ST18: variants seen among roughly 807,000 people sequenced by gnomAD.
ST18 encodes the protein suppression of tumorigenicity 18 protein.
ST18 carries 50 observed loss-of-function variants against 110.0 expected under a neutral mutation model. That is an observed-to-expected ratio of 0.45 (90% CI 0.36 to 0.58). The LOEUF is 0.58. ST18 is among the 20% of genes least tolerant of loss of function. The pLI is 0.00. For missense variants in ST18, 1,306 were observed against 1,280.1 expected, an observed-to-expected ratio of 1.02 and a Z score of -0.31; for synonymous variants, 461 against 452.4, an observed-to-expected ratio of 1.02 and a Z score of -0.24.
intron 2 of ST18, among the ~76,000 whole-genome samples, chr8:52,348,245 C>A (rs956229762): frequency 1.3e-5 from 2 of 152,170 alleles, no homozygotes; most frequent in African/African-American, 4.8e-5. Flanking sequence ...TCTCTCAGTT[C>A]TACAGTTAAG....
At chr8:52,114,217 G>A (rs376668193) in intron 25 of ST18, among the ~76,000 whole-genome samples, 3 of 151,986 alleles carry the variant, frequency 2.0e-5, no homozygotes, top group South Asian at 2.1e-4. Context: ...TGACCCACCC[G>A]CTTCGGCCTC....
intron 2 of ST18, among the ~76,000 whole-genome samples, chr8:52,310,483 G>C (rs947476022): frequency 8.5e-5 from 13 of 152,158 alleles, no homozygotes; most frequent in Non-Finnish European, 1.9e-4. Flanking sequence ...TTTTGAATTA[G>C]AATTATATCT....
chr8:52,133,025 G>C (rs965591896), intron 21 of ST18, 32 bp downstream of exon 21: 10 of 1,610,542 alleles, frequency 6.2e-6, no homozygotes, highest in Non-Finnish European at 8.5e-6. Flanking sequence ...ACAAGAGACA[G>C]CTGACCCCCA....
rs573216364 is a variant in ST18, at chr8:52,388,021, A to AG, written c.-465+21306dup. Among the ~76,000 whole-genome samples, 128 of 131,350 alleles carry AG rather than the reference A, an allele frequency of 9.7e-4. 3 individuals carry two copies. Among genetic ancestry groups the AG allele is most frequent in the Middle Eastern group, 9.3e-3 (2 of 214 alleles). The allele number at this position is 131,350 out of a possible 152,430, so 86.2% of individuals were successfully genotyped here. ...AAAAGCTAGCAGGGTGTCCGCTTTG[A>AG]GGGGGGTCTATGTTTGCAGGGGAGA... On this transcript the variant is annotated intron_variant, in intron 2 of 25. Coordinates refer to ENST00000689386, the MANE Select transcript of ST18 (RefSeq NM_001352837.2).
intron 7 of ST18, among the ~76,000 whole-genome samples, chr8:52,212,572 G>T (rs2082595062): frequency 6.6e-6 from 1 of 152,086 alleles, no homozygotes; most frequent in African/African-American, 2.4e-5. Flanking sequence ...AGAAAGGGGA[G>T]GATGAGCTTC....
intron 11 of ST18, among the ~76,000 whole-genome samples, chr8:52,166,094 G>A (rs1587508859): frequency 1.3e-5 from 2 of 152,204 alleles, no homozygotes; most frequent in East Asian, 3.9e-4. Context: ...CATGGTGACT[G>A]CTCTGTGATG....
intron 2 of ST18, among the ~76,000 whole-genome samples, chr8:52,394,481 G>C (rs1351257867): frequency 6.6e-6 from 1 of 152,154 alleles, no homozygotes; most frequent in African/African-American, 2.4e-5. Context: ...TCCCATGAGA[G>C]CTGCTCAGAC....
intron 2 of ST18, among the ~76,000 whole-genome samples, chr8:52,343,473 C>T (rs1393144053): frequency 6.6e-6 from 1 of 152,160 alleles, no homozygotes; most frequent in Non-Finnish European, 1.5e-5. Flanking sequence ...AAAATCTCCC[C>T]TAAGAACAAA....
At position 52,159,025 on chromosome 8, in the gene ST18, G is replaced by A. The variant is rs987299372; in HGVS notation, c.1679C>T (p.Ser560Phe). 3 of 1,614,180 alleles carry A rather than the reference G, an allele frequency of 1.9e-6. No homozygotes were observed. The highest frequency in any genetic ancestry group is 1.1e-5 in the South Asian group (1 of 91,084). Reference sequence around the variant, plus strand: ...TTCACTACATTGACCGTAGCTATAAGAGCTGGCACGGCCAGGGCTCTGGGT... The same window carrying A: ...TTCACTACATTGACCGTAGCTATAAAAGCTGGCACGGCCAGGGCTCTGGGT... ...AHTQSPGRAS[S>F]YSYGQCSEDT... Residue 560 changes from serine (S) to phenylalanine (F), a missense_variant, in exon 15 of 26, where the codon TCT (serine) becomes TTT (phenylalanine). By Grantham distance (155) the Ser-to-Phe change is radical. Transcript: ENST00000689386.
intron 2 of ST18, among the ~76,000 whole-genome samples, chr8:52,290,178 C>T (rs1268326973): frequency 6.6e-6 from 1 of 152,170 alleles, no homozygotes; most frequent in Non-Finnish European, 1.5e-5. Flanking sequence ...CACAAATCCA[C>T]TCCTCCTTCA....
At chr8:52,357,691 A>G (rs1315864841) in intron 2 of ST18, among the ~76,000 whole-genome samples, 1 of 47,776 alleles carries the variant, frequency 2.1e-5, no homozygotes, top group African/African-American at 1.3e-4. Flanking sequence ...ATATATATAT[A>G]TATATATATA....
intron 8 of ST18, among the ~76,000 whole-genome samples, chr8:52,210,387 G>A (rs1466431118): frequency 1.6e-4 from 24 of 152,146 alleles, no homozygotes; most frequent in Non-Finnish European, 5.9e-5. Context: ...TAAGCCAGGT[G>A]CAGTGGCTCA....
intron 2 of ST18, among the ~76,000 whole-genome samples, chr8:52,308,511 C>A (rs1009731928): frequency 6.6e-6 from 1 of 152,236 alleles, no homozygotes; most frequent in Admixed American, 6.5e-5. Context: ...TTACTCACTC[C>A]TGCCCTGTGT....
intron 10 of ST18, among the ~76,000 whole-genome samples, chr8:52,168,866 T>C (rs745354297): frequency 6.6e-6 from 1 of 152,204 alleles, no homozygotes; most frequent in Non-Finnish European, 1.5e-5. Context: ...AAAGTCTGAT[T>C]AGGGGAACTG....
intron 15 of ST18, among the ~76,000 whole-genome samples, chr8:52,152,947 A>G (rs910119254): frequency 2.6e-5 from 4 of 152,230 alleles, no homozygotes; most frequent in Admixed American, 2.0e-4. Context: ...AGCAGAGAAC[A>G]ATGTGGCATT....
intron 2 of ST18, among the ~76,000 whole-genome samples, chr8:52,320,180 T>C (rs146957929): frequency 1.9e-3 from 295 of 152,326 alleles, no homozygotes; most frequent in African/African-American, 6.6e-3. Context: ...CAGAAACATT[T>C]GTGTGGTTTG....
intron 8 of ST18, among the ~76,000 whole-genome samples, chr8:52,192,104 TG>T (rs1170357148): frequency 2.0e-5 from 3 of 152,144 alleles, no homozygotes; most frequent in Non-Finnish European, 4.4e-5. Context: ...TGGCAGGGAT[TG>T]GGGCATTGAA....
intron 19 of ST18, among the ~76,000 whole-genome samples, chr8:52,134,757 T>C (rs958471798): frequency 1.3e-5 from 2 of 152,234 alleles, no homozygotes; most frequent in African/African-American, 2.4e-5. Flanking sequence ...TCTTTTTCTA[T>C]TAACATTTTT....
chr8:52,233,958 C>G lies in ST18; in HGVS notation c.-464-3881G>C, dbSNP rs11786092. ...AAATATTTATCATCGATTCCTCTTG[C>G]CTAACTGAAACATTGCACTTTGACT... On this transcript the variant is annotated intron_variant, in intron 2 of 25. Coordinates refer to ENST00000689386, the MANE Select transcript of ST18 (RefSeq NM_001352837.2). Among the ~76,000 whole-genome samples, 122 of 152,264 alleles carry G rather than the reference C, an allele frequency of 8.0e-4. 1 individual carries two copies. The highest frequency in any genetic ancestry group is 1.4e-3 in the Non-Finnish European group (94 of 68,022).
Sources: allele counts gnomAD v4.1 joint callset (sites outside exome capture counted in the v4.1 genomes callset), GRCh38; gene constraint gnomAD v4.1.1; transcripts MANE v1.5; gene names NCBI Gene and HGNC (gene_info 2026-07-23, HGNC 2026-07-21).